PDZD2: variants seen among roughly 807,000 people sequenced by gnomAD.
PDZD2 encodes PDZ domain containing 2.
In PDZD2, 90 loss-of-function variants were observed where a neutral mutation model predicts 220.7. That is an observed-to-expected ratio of 0.41 (90% CI 0.34 to 0.49). The LOEUF (loss-of-function observed/expected upper bound fraction) is 0.49, where lower values mean the gene tolerates loss of function less well. Among genes scored for constraint, PDZD2 ranks in the 20% least tolerant of loss-of-function variants. PDZD2 has a pLI of 0.28. For missense variants in PDZD2, 3,174 were observed against 3,608.5 expected, an observed-to-expected ratio of 0.88 and a Z score of 3.08; for synonymous variants, 1,375 against 1,450.5, an observed-to-expected ratio of 0.95 and a Z score of 1.18.
At chr5:31,856,908 CTATATATATATATA>C (rs61675053) in intron 2 of PDZD2, among the ~76,000 whole-genome samples, 3 of 140,626 alleles carry the variant, frequency 2.1e-5, no homozygotes, top group Admixed American at 7.1e-5. Flanking sequence ...CTTATCAAAA[CTATATATATATATA>C]TATATATATA....
At chr5:32,037,400 C>A in intron 7 of PDZD2, 58 bp downstream of exon 7, 2 of 977,462 alleles carry the variant, frequency 2.0e-6, no homozygotes, top group Non-Finnish European at 3.3e-6. Context: ...GCCTCAGGAG[C>A]AGGGAGATGA....
chr5:31,841,031 G>T, intron 2 of PDZD2: 1 of 322,848 alleles, frequency 3.1e-6, no homozygotes, highest in Non-Finnish European at 5.6e-6. Flanking sequence ...CCTCATTTTG[G>T]TTTACGTTTT....
At chr5:31,785,603 G>A (rs1398473592) in intron 1 of PDZD2, among the ~76,000 whole-genome samples, 1 of 151,866 alleles carries the variant, frequency 6.6e-6, no homozygotes, top group African/African-American at 2.4e-5. Context: ...ACCAGACCCA[G>A]CTAATTTTTC....
chr5:31,736,492 A>G (rs1749870507), intron 1 of PDZD2, among the ~76,000 whole-genome samples: 1 of 152,260 alleles, frequency 6.6e-6, no homozygotes, highest in African/African-American at 2.4e-5. Flanking sequence ...GTGAACAAAG[A>G]AAACATTTCA....
intron 2 of PDZD2, among the ~76,000 whole-genome samples, chr5:31,900,168 A>G (rs1182587081): frequency 6.6e-6 from 1 of 152,196 alleles, no homozygotes; most frequent in East Asian, 1.9e-4. Context: ...ATGGTGGTGT[A>G]TCCTCACATG....
At chr5:31,780,869 G>T (rs1006028039) in intron 1 of PDZD2, among the ~76,000 whole-genome samples, 2 of 152,170 alleles carry the variant, frequency 1.3e-5, no homozygotes, top group Non-Finnish European at 2.9e-5. Flanking sequence ...GTGTCACTGA[G>T]AGCTGATAAC....
Position 31,789,102 on chromosome 5 carries a change from A to C in PDZD2, c.-360-9787A>C, listed in dbSNP as rs1018938407. 2.6e-5 allele frequency among the ~76,000 whole-genome samples: 4 copies of C among 152,210 alleles called. No individual in the cohort carries two copies. In the East Asian group the frequency reaches 7.7e-4, roughly 29 times the overall value. On this transcript the variant is annotated intron_variant, in intron 1 of 24. Coordinates refer to ENST00000438447, the MANE Select transcript of PDZD2 (RefSeq NM_178140.4). The stretch of plus-strand genomic sequence containing the variant: ...GGTGCCTGTTTTTCTCTCATGTAAT[A>C]AGAAGTCTGGAGGTAGGATGTCTGG...
chr5:31,930,421 G>T (rs13183316), intron 2 of PDZD2, among the ~76,000 whole-genome samples: 2 of 151,480 alleles, frequency 1.3e-5, no homozygotes, highest in South Asian at 4.2e-4. Context: ...GGATGGTCTC[G>T]ATCTCCTGAC....
intron 2 of PDZD2, among the ~76,000 whole-genome samples, chr5:31,908,082 CAAAAAAAAAAAA>C (rs55741622): frequency 2.6e-5 from 2 of 76,894 alleles, no homozygotes; most frequent in East Asian, 1.2e-3. Context: ...GGCTCCGTCT[CAAAAAAAAAAAA>C]AAAAAAAAAA....
intron 2 of PDZD2, among the ~76,000 whole-genome samples, chr5:31,969,370 A>C (rs1037739632): frequency 6.6e-6 from 1 of 151,792 alleles, no homozygotes; most frequent in Non-Finnish European, 1.5e-5. Context: ...TAGCTATTGC[A>C]TAGTGGTGCA....
rs541481900 is a variant in PDZD2 at position 31,858,016 on chromosome 5, G to A, written c.476+58292G>A. ...AATTTTTGTATTTTTAGTAGAGACG[G>A]GATTTCACTGTGTTGGCTAGGCTGG... is the stretch of plus-strand genomic sequence containing the variant. On this transcript the variant is annotated intron_variant, in intron 2 of 24. Coordinates refer to ENST00000438447, the MANE Select transcript of PDZD2 (RefSeq NM_178140.4). Among the ~76,000 whole-genome samples the A allele has an allele frequency of 4.5e-4, 68 of 152,210 alleles. No individual in the cohort carries two copies. The South Asian group carries it at 0.014, about 31-fold the overall frequency.
chr5:31,897,157 A>G (rs1741645050), intron 2 of PDZD2, among the ~76,000 whole-genome samples: 1 of 152,156 alleles, frequency 6.6e-6, no homozygotes, highest in Admixed American at 6.5e-5. Flanking sequence ...CTGCTGCAGA[A>G]ACATATTTAT....
At chr5:31,871,913 C>A (rs1738837345) in intron 2 of PDZD2, among the ~76,000 whole-genome samples, 1 of 152,062 alleles carries the variant, frequency 6.6e-6, no homozygotes, top group Admixed American at 6.6e-5. Flanking sequence ...GCAGCCTCAA[C>A]CTCCTGGGCT....
intron 1 of PDZD2, among the ~76,000 whole-genome samples, chr5:31,724,059 C>T (rs571049074): frequency 6.6e-6 from 1 of 152,180 alleles, no homozygotes; most frequent in African/African-American, 2.4e-5. Context: ...CACACACACA[C>T]ACAGAACCTA....
At position 31,814,044 on chromosome 5, in the gene PDZD2, AAG is replaced by A. The variant is rs550812464; in HGVS notation, c.476+14322_476+14323del. 3.9e-4 allele frequency among the ~76,000 whole-genome samples: 60 copies of A among 152,346 alleles called. No homozygotes were observed. The East Asian group carries it at 0.012, about 29-fold the overall frequency. On this transcript the variant is annotated intron_variant, in intron 2 of 24. Coordinates refer to ENST00000438447, the MANE Select transcript of PDZD2 (RefSeq NM_178140.4). ...TTTTAAATAAAAAAGATTTTTAAAA[AAG>A]AATATTTGCTTGTGTCTGTTTCAAT...
intron 2 of PDZD2, among the ~76,000 whole-genome samples, chr5:31,954,871 A>G (rs13156874): frequency 0.23 from 34,762 of 151,986 alleles, 4,535 homozygotes; most frequent in Non-Finnish European, 0.28. Flanking sequence ...CGGGAGGCGA[A>G]GGTTGCAGTG....
Position 31,753,932 on chromosome 5 carries a change from A to G in PDZD2, c.-360-44957A>G, listed in dbSNP as rs111840375. Among the ~76,000 whole-genome samples, 1,170 of 152,308 alleles carry G rather than the reference A, an allele frequency of 7.7e-3. 14 individuals carry two copies. Among genetic ancestry groups the G allele is most frequent in the African/African-American group, 0.027 (1,105 of 41,568 alleles). On this transcript the variant is annotated intron_variant, in intron 1 of 24. Transcript: ENST00000438447. ...CTGCATCTTGTTTTTATTCTCCAGC[A>G]TTAGCATCCCATTGTTCTGCTTCCC...
intron 1 of PDZD2, among the ~76,000 whole-genome samples, chr5:31,794,494 G>A (rs945219729): frequency 2.7e-5 from 4 of 146,958 alleles, no homozygotes; most frequent in Admixed American, 7.0e-5. Context: ...TCCGCCTCCC[G>A]GGTTCACACC....
rs184166545 is a variant in PDZD2, at chr5:31,800,500, A to C, written c.476+776A>C. 8.1e-4 allele frequency among the ~76,000 whole-genome samples: 123 copies of C among 152,304 alleles called. 1 individual carries two copies. The highest frequency in any genetic ancestry group is 2.3e-3 in the East Asian group (12 of 5,178). The stretch of plus-strand genomic sequence containing the variant: ...TCCAGTCCCTCCAGAGGTCAAACTA[A>C]TGCCACATGACCCAAGTCTTCTACC... On this transcript the variant is annotated intron_variant, in intron 2 of 24. Coordinates refer to ENST00000438447, the MANE Select transcript of PDZD2 (RefSeq NM_178140.4).
Sources: allele counts gnomAD v4.1 joint callset (sites outside exome capture counted in the v4.1 genomes callset), GRCh38; gene constraint gnomAD v4.1.1; transcripts MANE v1.5; gene names NCBI Gene and HGNC (gene_info 2026-07-23, HGNC 2026-07-21).